Variants in CSMD1 observed in about 807,000 individuals in gnomAD.
The protein encoded by CSMD1 is CUB and sushi domain-containing protein 1.
In CSMD1, 213 loss-of-function variants were observed where a neutral mutation model predicts 417.5. The observed-to-expected ratio is 0.51, with a 90% CI of 0.46 to 0.57. The LOEUF is 0.57. Ranked by LOEUF, CSMD1 falls within the 20% of genes least tolerant of loss-of-function variation. CSMD1 has a pLI of 0.00. For missense variants in CSMD1, 6,923 were observed against 4,529.7 expected, an observed-to-expected ratio of 1.53 and a Z score of -15.17; for synonymous variants, 2,862 against 1,736.8, an observed-to-expected ratio of 1.65 and a Z score of -16.11.
At chr8:3,524,830 A>G (rs1797688458) in intron 10 of CSMD1, among the ~76,000 whole-genome samples, 1 of 152,064 alleles carries the variant, frequency 6.6e-6, no homozygotes, top group Admixed American at 6.6e-5. Context: ...ACATGCACAC[A>G]CAGAGCCTTT....
intron 10 of CSMD1, among the ~76,000 whole-genome samples, chr8:3,558,108 ATGGTG>A (rs1799242584): frequency 6.6e-6 from 1 of 150,420 alleles, no homozygotes; most frequent in Non-Finnish European, 1.5e-5. Context: ...CCAATGATGA[ATGGTG>A]CCTCAATGGT....
At chr8:4,911,416 C>T (rs1201557080) in intron 1 of CSMD1, among the ~76,000 whole-genome samples, 1 of 152,166 alleles carries the variant, frequency 6.6e-6, no homozygotes, top group Non-Finnish European at 1.5e-5. Flanking sequence ...TTCCCTTGAC[C>T]TCTGACACAG....
In CSMD1 at chr8:4,089,913, A is replaced by G. The variant is rs139490275; in HGVS notation, c.416-57814T>C. Among the ~76,000 whole-genome samples the G allele has an allele frequency of 3.3e-3, 495 of 152,268 alleles. 5 individuals carry two copies. The highest frequency in any genetic ancestry group is 0.011 in the African/African-American group (466 of 41,566). The stretch of plus-strand genomic sequence containing the variant: ...TGGGGTCAGGGACCTGATTGGAATG[A>G]ACCGAGGAAAGAATATTACATGTAT... On this transcript the variant is annotated intron_variant, in intron 3 of 69. Transcript: ENST00000635120.
At chr8:4,961,768 G>C (rs1162737558) in intron 1 of CSMD1, among the ~76,000 whole-genome samples, 1 of 151,862 alleles carries the variant, frequency 6.6e-6, no homozygotes, top group Non-Finnish European at 1.5e-5. Context: ...AGCAATTTCT[G>C]TCCATTTCTG....
At chr8:4,150,571 A>C (rs1471366132) in intron 3 of CSMD1, among the ~76,000 whole-genome samples, 1 of 152,216 alleles carries the variant, frequency 6.6e-6, no homozygotes, top group Non-Finnish European at 1.5e-5. Flanking sequence ...TGAAGGATTC[A>C]TAACTCAGGT....
chr8:4,272,039 T>A (rs1585134552), intron 3 of CSMD1, among the ~76,000 whole-genome samples: 3 of 152,102 alleles, frequency 2.0e-5, no homozygotes, highest in East Asian at 3.9e-4. Context: ...TTGAAAAAAA[T>A]TGCATGTAAG....
At chr8:4,596,414 A>G (rs1031089972) in intron 2 of CSMD1, among the ~76,000 whole-genome samples, 1 of 152,182 alleles carries the variant, frequency 6.6e-6, no homozygotes, top group Non-Finnish European at 1.5e-5. Context: ...ACAATTTTCT[A>G]TTCATTTCTA....
At chr8:2,947,474 A>C (rs1298514076) in intron 68 of CSMD1, among the ~76,000 whole-genome samples, 1 of 152,224 alleles carries the variant, frequency 6.6e-6, no homozygotes, top group Non-Finnish European at 1.5e-5. Context: ...TGTAAAGTAA[A>C]CTGTTTTTCC....
At chr8:3,243,965 G>A (rs368534522) in intron 26 of CSMD1, among the ~76,000 whole-genome samples, 2 of 152,126 alleles carry the variant, frequency 1.3e-5, no homozygotes, top group Non-Finnish European at 2.9e-5. Flanking sequence ...TTAGTTCATA[G>A]AAGTACGTTT....
intron 5 of CSMD1, among the ~76,000 whole-genome samples, chr8:3,980,257 GA>G (rs1202899658): frequency 6.6e-6 from 1 of 152,114 alleles, no homozygotes; most frequent in Non-Finnish European, 1.5e-5. Context: ...ACTATTAGGG[GA>G]AAAGCTGAAC....
chr8:3,841,020 C>A (rs1803100537), intron 5 of CSMD1, among the ~76,000 whole-genome samples: 1 of 151,954 alleles, frequency 6.6e-6, no homozygotes, highest in African/African-American at 2.4e-5. Context: ...GATCTCAATT[C>A]TTTGGTACAT....
chr8:3,378,572 T>G (rs1324428457), intron 18 of CSMD1, among the ~76,000 whole-genome samples: 2 of 152,178 alleles, frequency 1.3e-5, no homozygotes, highest in Non-Finnish European at 1.5e-5. Flanking sequence ...GCTTTATCCC[T>G]GGGATGCAAG....
chr8:3,577,181 T>C (rs543129005), intron 9 of CSMD1, among the ~76,000 whole-genome samples: 1 of 152,218 alleles, frequency 6.6e-6, no homozygotes, highest in Non-Finnish European at 1.5e-5. Flanking sequence ...GCTGTGAAGC[T>C]GGCCCCTCAC....
At chr8:4,371,691 G>C (rs573831430) in intron 3 of CSMD1, among the ~76,000 whole-genome samples, 21 of 152,206 alleles carry the variant, frequency 1.4e-4, no homozygotes, top group African/African-American at 4.6e-4. Flanking sequence ...TAGAATGTTA[G>C]CTATATAATC....
rs1811686748 is a variant in CSMD1, at chr8:3,396,184, T to G, written c.2593+10A>C. 1 of 1,554,462 alleles carries G rather than the reference T, an allele frequency of 6.4e-7. No individual in the cohort carries two copies. Among genetic ancestry groups the G allele is most frequent in the African/African-American group, 1.4e-5 (1 of 73,260 alleles). On this transcript the variant is annotated intron_variant, in intron 17 of 69. Coordinates refer to ENST00000635120, the MANE Select transcript of CSMD1 (RefSeq NM_033225.6). ...GCCCTGCCGGGCTGTCAAGGGAAGG[T>G]GCAACTCACTCTCATAGTGGATGAG...
At chr8:4,187,355 G>C (rs1325100517) in intron 3 of CSMD1, among the ~76,000 whole-genome samples, 1 of 152,124 alleles carries the variant, frequency 6.6e-6, no homozygotes, top group Non-Finnish European at 1.5e-5. Flanking sequence ...TAAGCATTAA[G>C]TAGCATTTGG....
At chr8:4,990,096 A>T (rs1189255398) in intron 1 of CSMD1, among the ~76,000 whole-genome samples, 1 of 152,080 alleles carries the variant, frequency 6.6e-6, no homozygotes, top group African/African-American at 2.4e-5. Context: ...GGGGAATTCT[A>T]CCACCCTGCA....
chr8:4,338,940 G>A (rs73506654), intron 3 of CSMD1, among the ~76,000 whole-genome samples: 1,946 of 152,174 alleles, frequency 0.013, 29 homozygotes, highest in African/African-American at 0.043. Context: ...AAGGGTAAGC[G>A]TATCTGAACA....
chr8:4,789,155 G>C (rs35174190), intron 1 of CSMD1, among the ~76,000 whole-genome samples: 39,472 of 152,140 alleles, frequency 0.26, 5,428 homozygotes, highest in Non-Finnish European at 0.31. Context: ...GAAATACAAT[G>C]TTGTATGTTC....
Sources: allele counts gnomAD v4.1 joint callset (sites outside exome capture counted in the v4.1 genomes callset), GRCh38; gene constraint gnomAD v4.1.1; transcripts MANE v1.5; gene names NCBI Gene and HGNC (gene_info 2026-07-23, HGNC 2026-07-21).